The following CEP85 variants were observed in gnomAD, a reference collection of about 807,000 sequenced individuals.
The protein encoded by CEP85 is centrosomal protein 85, also known as centrosomal protein of 85 kDa.
In CEP85, 58 loss-of-function variants were observed where a neutral mutation model predicts 93.7. That is an observed-to-expected ratio of 0.62 (90% CI 0.50 to 0.77). The LOEUF is 0.77. Ranked by LOEUF, CEP85 falls within the 30% of genes least tolerant of loss-of-function variation. The probability of loss-of-function intolerance (pLI) is 0.00; values close to 1 mark genes in which losing one functional copy is unlikely to be tolerated. For synonymous variants in CEP85, 314 were observed against 338.6 expected (o/e 0.93, Z 0.80); for missense variants, 868 against 922.0 (o/e 0.94, Z 0.76).
At chr1:26,265,573 A>G (rs1390168314) in intron 7 of CEP85, among the ~76,000 whole-genome samples, 1 of 152,118 alleles carries the variant, frequency 6.6e-6, no homozygotes, top group Non-Finnish European at 1.5e-5. Flanking sequence ...TATCTAGCTA[A>G]TTTGTATATA....
intron 1 of CEP85, among the ~76,000 whole-genome samples, chr1:26,237,195 AT>A (rs111846030): frequency 6.4e-4 from 95 of 149,550 alleles, no homozygotes; most frequent in Non-Finnish European, 1.1e-3. Flanking sequence ...ATGTCTTAGA[AT>A]TTTTTTTTTG....
At chr1:26,261,378 A>G (rs2089805038) in intron 7 of CEP85, among the ~76,000 whole-genome samples, 1 of 152,094 alleles carries the variant, frequency 6.6e-6, no homozygotes, top group Non-Finnish European at 1.5e-5. Context: ...AGGCTGAAGC[A>G]GGAGAATCAC....
At chr1:26,271,348 C>A in intron 10 of CEP85, 1 of 416,328 alleles carries the variant, frequency 2.4e-6, no homozygotes, top group Non-Finnish European at 4.4e-6. Context: ...TGATATGCCT[C>A]TGAATATCTA....
In CEP85 at chr1:26,269,550, GAGA is replaced by G. The variant is rs2089941781; in HGVS notation, c.1588_1590del (p.Lys530del). 5 of 1,613,958 alleles carry G rather than the reference GAGA, an allele frequency of 3.1e-6. No individual in the cohort carries two copies. Among genetic ancestry groups the G allele is most frequent in the South Asian group, 1.1e-5 (1 of 91,086 alleles). On this transcript the variant is annotated inframe_deletion, in exon 9 of 14. Transcript: ENST00000451429. ...GGAGGAGACCCAGGCAATCTGCAGA[GAGA>G]AGGAGATTCAACTGGAAAGCCTGAG...
chr1:26,257,793 A>G, intron 5 of CEP85, 63 bp downstream of exon 5: 24 of 1,551,346 alleles, frequency 1.5e-5, no homozygotes, highest in Non-Finnish European at 2.0e-5. Context: ...AAGACACCTA[A>G]TGGAGTCTTC....
intron 2 of CEP85, 69 bp downstream of exon 2, chr1:26,239,907 A>C: frequency 8.7e-7 from 1 of 1,145,248 alleles, no homozygotes; most frequent in Non-Finnish European, 1.3e-6. Context: ...CCTTAAGGTA[A>C]ATATTGAACA....
chr1:26,271,203 A>T, intron 10 of CEP85, 96 bp downstream of exon 10: 1 of 719,208 alleles, frequency 1.4e-6, no homozygotes, highest in Non-Finnish European at 2.4e-6. Context: ...GCTTTGGGCT[A>T]TCTAGGATTT....
At chr1:26,252,865 C>G (rs72649333) in intron 3 of CEP85, among the ~76,000 whole-genome samples, 2 of 152,052 alleles carry the variant, frequency 1.3e-5, no homozygotes, top group Admixed American at 6.6e-5. Flanking sequence ...CCTGTCTAAC[C>G]GAAATGTTTT....
intron 1 of CEP85, among the ~76,000 whole-genome samples, chr1:26,235,864 G>A (rs1405475606): frequency 6.6e-6 from 1 of 152,176 alleles, no homozygotes; most frequent in African/African-American, 2.4e-5. Flanking sequence ...GAGCCACCAC[G>A]CCCGGCCACA....
intron 7 of CEP85, 138 bp downstream of exon 7, chr1:26,259,940 C>T (rs540577310): frequency 1.3e-4 from 85 of 654,624 alleles, no homozygotes; most frequent in East Asian, 3.2e-4. Context: ...CACACAGAAT[C>T]GTCACAGATC....
At position 26,275,021 on chromosome 1, in the gene CEP85, G is replaced by T; in HGVS notation, c.1852G>T (p.Ala618Ser). The T allele has an allele frequency of 6.3e-7, 1 of 1,587,376 alleles. No individual in the cohort carries two copies. Among genetic ancestry groups the T allele is most frequent in the Non-Finnish European group, 8.6e-7 (1 of 1,166,782 alleles). Residue 618 changes from alanine to serine, a missense_variant, in exon 12 of 14, where the codon GCC becomes TCC. Coordinates refer to ENST00000451429, the MANE Select transcript of CEP85 (RefSeq NM_001319944.2). ...AACAAGCCAGGCCCTGAGAGAGGAG[G>T]CCCAGCGAAGGGATTCAGCCCTGCA... is the stretch of plus-strand genomic sequence containing the variant. ...EGTSQALREE[A>S]QRRDSALQQL...
chr1:26,243,334 G>T (rs1245128078), intron 2 of CEP85, among the ~76,000 whole-genome samples: 3 of 151,964 alleles, frequency 2.0e-5, no homozygotes, highest in African/African-American at 4.8e-5. Flanking sequence ...GTTGCTGCTG[G>T]CATTCAGTGA....
At chr1:26,272,181 T>C in intron 11 of CEP85, 110 bp downstream of exon 11, 3 of 1,072,040 alleles carry the variant, frequency 2.8e-6, no homozygotes, top group Non-Finnish European at 4.2e-6. Flanking sequence ...GTGTTAGGGA[T>C]ACAAAAAGAA....
chr1:26,247,071 C>T (rs2089520856), intron 3 of CEP85, among the ~76,000 whole-genome samples: 1 of 152,140 alleles, frequency 6.6e-6, no homozygotes, highest in Non-Finnish European at 1.5e-5. Flanking sequence ...GGAGCAGGAA[C>T]CCTATTGTGA....
intron 7 of CEP85, among the ~76,000 whole-genome samples, chr1:26,267,758 A>G (rs1017139048): frequency 6.6e-6 from 1 of 152,222 alleles, no homozygotes; most frequent in East Asian, 1.9e-4. Flanking sequence ...AGTTTTATCT[A>G]TGTAGGCATG....
chr1:26,245,627 G>T (rs1363681214), intron 3 of CEP85, among the ~76,000 whole-genome samples: 1 of 152,100 alleles, frequency 6.6e-6, no homozygotes, highest in South Asian at 2.1e-4. Context: ...AGAAGGCAGA[G>T]AACCTAATTG....
chr1:26,248,299 AAATC>A (rs1304638977), intron 3 of CEP85, among the ~76,000 whole-genome samples: 9 of 152,198 alleles, frequency 5.9e-5, no homozygotes, highest in African/African-American at 1.9e-4. Context: ...GATATTTTTA[AAATC>A]AATCAGTGGT....
chr1:26,256,596 T>TTTTC lies in CEP85; in HGVS notation c.903+735_903+738dup, dbSNP rs199892277. 8.4e-3 allele frequency among the ~76,000 whole-genome samples: 1,104 copies of TTTTC among 130,894 alleles called. 10 individuals carry two copies. The highest frequency in any genetic ancestry group is 0.015 in the African/African-American group (492 of 31,800). The allele number at this position is 130,894 out of a possible 152,430, so 85.9% of individuals were successfully genotyped here. ...CTGTGTTCTCTCTACCACTTTTGTA[T>TTTTC]TTTCTTTTTTTTTTTTTTTTGAGAT... is the stretch of plus-strand genomic sequence containing the variant. On this transcript the variant is annotated intron_variant, in intron 4 of 13. Transcript: ENST00000451429.
chr1:26,260,794 CT>C lies in CEP85; in HGVS notation c.1341+1006del, dbSNP rs200013295. The stretch of plus-strand genomic sequence containing the variant: ...GGAGGAAGCCTGAGATCCTGCCTTT[CT>C]TTTTTTTTTTTTTGAGATGGAATTT... On this transcript the variant is annotated intron_variant, in intron 7 of 13. Transcript: ENST00000451429. 3.2e-3 allele frequency among the ~76,000 whole-genome samples: 448 copies of C among 141,060 alleles called. 1 individual carries two copies. Among genetic ancestry groups the C allele is most frequent in the Middle Eastern group, 3.7e-3 (1 of 268 alleles). The allele number at this position is 141,060 out of a possible 152,430, so 92.5% of individuals were successfully genotyped here.
Sources: allele counts gnomAD v4.1 joint callset (sites outside exome capture counted in the v4.1 genomes callset), GRCh38; gene constraint gnomAD v4.1.1; transcripts MANE v1.5; gene names NCBI Gene and HGNC (gene_info 2026-07-23, HGNC 2026-07-21).